The following ZNF718 variants were observed in gnomAD, a reference collection of about 807,000 sequenced individuals.
The protein encoded by ZNF718 is zinc finger protein 718.
ZNF718 carries 3 observed loss-of-function variants against 2.6 expected under a neutral mutation model. The ratio of observed to expected loss-of-function variants is 1.16; its 90% CI spans 0.53 to 3.01. ZNF718 has a LOEUF of 3.01. ZNF718 is among the 30% of genes most tolerant of loss of function. The probability of loss-of-function intolerance (pLI) is 0.03; values close to 1 mark genes in which losing one functional copy is unlikely to be tolerated. For missense variants in ZNF718, 468 were observed against 230.0 expected, an observed-to-expected ratio of 2.03 and a Z score of -6.69; for synonymous variants, 135 against 77.9, an observed-to-expected ratio of 1.73 and a Z score of -3.86.
At chr4:146,642 T>A (rs1460563293) in intron 3 of ZNF718, among the ~76,000 whole-genome samples, 5 of 152,132 alleles carry the variant, frequency 3.3e-5, no homozygotes, top group Admixed American at 6.5e-5. Context: ...GTTTTCTCTC[T>A]TTTGAACCTC....
chr4:145,760 T>G (rs1164290749), intron 3 of ZNF718, among the ~76,000 whole-genome samples: 10 of 152,160 alleles, frequency 6.6e-5, no homozygotes, highest in Admixed American at 3.9e-4. Context: ...ACCCAGTGCT[T>G]CTTTTTTTAA....
At chr4:134,207 C>T (rs559130203) in intron 3 of ZNF718, among the ~76,000 whole-genome samples, 15 of 152,088 alleles carry the variant, frequency 9.9e-5, no homozygotes, top group Non-Finnish European at 2.1e-4. Context: ...AGTGCAGTGG[C>T]GCGATATCTA....
chr4:173,555 G>A (rs1307957651), intron 3 of ZNF718, among the ~76,000 whole-genome samples: 5 of 146,308 alleles, frequency 3.4e-5, no homozygotes, highest in Non-Finnish European at 3.0e-5. Context: ...CAGTTCAAAT[G>A]TGCCCTTTTA....
At position 162,116 on chromosome 4, in the gene ZNF718, AT is replaced by A. The variant is rs1273575720; in HGVS notation, c.1435del (p.Ter479ArgfsTer80). On this transcript the variant is annotated frameshift_variant, in exon 4 of 4. Coordinates refer to ENST00000510175, the MANE Select transcript of ZNF718 (RefSeq NM_001039127.6). LOFTEE classifies it high-confidence loss of function. ...ATAAGAGAACTCATACTGGAGGAAA[AT>A]TTTAGAAATGTGAAGAATGTGGGAG... ...QHKRTHTGGK[F>X] The A allele has an allele frequency of 4.1e-6, 3 of 729,918 alleles. No homozygotes were observed. Among genetic ancestry groups the A allele is most frequent in the Non-Finnish European group, 7.6e-6 (3 of 396,444 alleles). 45.2% of individuals were successfully genotyped at this position (729,918 alleles called of 1,614,324 possible).
At chr4:153,084 T>A (rs1213386480) in intron 3 of ZNF718, among the ~76,000 whole-genome samples, 1 of 152,008 alleles carries the variant, frequency 6.6e-6, no homozygotes. Context: ...TTGAGTTTTT[T>A]ATATCAAAAG....
At chr4:175,540 A>G (rs1219236019) in intron 3 of ZNF718, among the ~76,000 whole-genome samples, 1 of 152,162 alleles carries the variant, frequency 6.6e-6, no homozygotes, top group Non-Finnish European at 1.5e-5. Flanking sequence ...TTGCAGGGGC[A>G]CTGTTTATTC....
chr4:174,375 T>C (rs782127607), intron 3 of ZNF718, among the ~76,000 whole-genome samples: 2 of 152,148 alleles, frequency 1.3e-5, no homozygotes, highest in African/African-American at 4.8e-5. Context: ...TGTGAATATA[T>C]CCTAAAACAT....
downstream of ZNF718, among the ~76,000 whole-genome samples, chr4:164,173 G>C (rs1553816306): frequency 6.6e-6 from 1 of 151,612 alleles, no homozygotes; most frequent in Non-Finnish European, 1.5e-5. Flanking sequence ...TTTTTCTTTG[G>C]ACATCTGGCA....
intron 3 of ZNF718, among the ~76,000 whole-genome samples, chr4:137,582 T>A (rs1163688776): frequency 6.6e-6 from 1 of 152,208 alleles, no homozygotes; most frequent in Non-Finnish European, 1.5e-5. Context: ...TGGTTTTGCT[T>A]TACATTTTTC....
At chr4:187,982 G>T (rs904007302) in intron 3 of ZNF718, among the ~76,000 whole-genome samples, 1 of 152,144 alleles carries the variant, frequency 6.6e-6, no homozygotes, top group Admixed American at 6.5e-5. Flanking sequence ...TGCCCAGCAA[G>T]GAAAAATGGA....
intron 3 of ZNF718, among the ~76,000 whole-genome samples, chr4:180,736 C>A (rs548709064): frequency 6.6e-6 from 1 of 152,290 alleles, no homozygotes; most frequent in East Asian, 1.9e-4. Context: ...TTTGGTGTTG[C>A]TATTCTGGGG....
In ZNF718 at chr4:161,822, C is replaced by G; in HGVS notation, c.1137C>G (p.Ser379=). ...AATGTGGAAAAGCCTTTAATTGGTCCTCAACCCTTAATGTACACAAGAGAA... is the reference window on the plus strand; with the variant it reads ...AATGTGGAAAAGCCTTTAATTGGTCGTCAACCCTTAATGTACACAAGAGAA... ...CEECGKAFNW[S]STLNVHKRIH... is the part of the protein sequence containing the mutation. Residue 379 remains serine (S), a synonymous_variant, in exon 4 of 4, where the codon TCC becomes TCG. Coordinates refer to ENST00000510175, the MANE Select transcript of ZNF718 (RefSeq NM_001039127.6). The G allele has an allele frequency of 1.3e-6, 1 of 780,816 alleles. No individual in the cohort carries two copies. The allele number at this position is 780,816 out of a possible 1,614,324, so 48.4% of individuals were successfully genotyped here. A position where few individuals can be genotyped will look rare whatever the true frequency, so the allele number is the denominator to read the frequency against.
intron 3 of ZNF718, among the ~76,000 whole-genome samples, chr4:184,819 CTGAT>C (rs1449073592): frequency 6.6e-6 from 1 of 152,092 alleles, no homozygotes. Context: ...ATAATATTCT[CTGAT>C]TGTTGTTTGT....
At chr4:150,285 G>T (rs1487033785) in intron 3 of ZNF718, 1 of 152,052 alleles carries the variant, frequency 6.6e-6, no homozygotes, top group Non-Finnish European at 1.5e-5. Flanking sequence ...ATTGTCTTTT[G>T]TAAATAATAA....
At chr4:125,316 T>A (rs375929606) in intron 1 of ZNF718, 2 of 152,518 alleles carry the variant, frequency 1.3e-5, no homozygotes, top group Non-Finnish European at 2.9e-5. Flanking sequence ...TCTGCCACAT[T>A]ATTGAACTTG....
At position 157,439 on chromosome 4, in the gene ZNF718, G is replaced by A. The variant is rs368325205; in HGVS notation, c.227-3473G>A. Among the ~76,000 whole-genome samples, 8 of 152,066 alleles carry A rather than the reference G, an allele frequency of 5.3e-5. No individual in the cohort carries two copies. The East Asian group carries it at 1.2e-3, about 22-fold the overall frequency. ...CTTGTTGTTTTTCTTATTGAAGATC[G>A]CTTGGTGCTACATTGTCTCTCGAAA... On this transcript the variant is annotated intron_variant, in intron 3 of 3. Coordinates refer to ENST00000510175, the MANE Select transcript of ZNF718 (RefSeq NM_001039127.6).
intron 3 of ZNF718, among the ~76,000 whole-genome samples, chr4:135,605 C>A (rs190321344): frequency 1.5e-4 from 23 of 151,832 alleles, no homozygotes; most frequent in African/African-American, 5.6e-4. Flanking sequence ...CAGTACCCAG[C>A]TTGACGGTTT....
downstream of ZNF718, among the ~76,000 whole-genome samples, chr4:165,397 C>T (rs562224658): frequency 3.9e-5 from 6 of 152,100 alleles, no homozygotes; most frequent in Non-Finnish European, 8.8e-5. Flanking sequence ...TTAAATGAAA[C>T]ATAAGCTAGA....
intron 3 of ZNF718, among the ~76,000 whole-genome samples, chr4:191,647 G>C (rs1279952149): frequency 6.6e-6 from 1 of 152,088 alleles, no homozygotes; most frequent in Non-Finnish European, 1.5e-5. Flanking sequence ...AATATAAATG[G>C]AAATGTGAGA....
Sources: allele counts gnomAD v4.1 joint callset (sites outside exome capture counted in the v4.1 genomes callset), GRCh38; gene constraint gnomAD v4.1.1; transcripts MANE v1.5; gene names NCBI Gene and HGNC (gene_info 2026-07-23, HGNC 2026-07-21).